The following GSTA1 variants were observed in gnomAD, a reference collection of about 807,000 sequenced individuals.
GSTA1 encodes the protein glutathione S-transferase A1.
GSTA1 carries 23 observed loss-of-function variants against 21.5 expected under a neutral mutation model. That is an observed-to-expected ratio of 1.07 (90% CI 0.77 to 1.52). The LOEUF (loss-of-function observed/expected upper bound fraction) is 1.52. GSTA1 is among the 40% of genes most tolerant of loss of function. GSTA1 has a pLI of 0.00. For synonymous variants in GSTA1, 125 were observed against 90.0 expected, an observed-to-expected ratio of 1.39 and a Z score of -2.20; for missense variants, 301 against 264.2, an observed-to-expected ratio of 1.14 and a Z score of -0.96.
At chr6:52,799,400 C>T (rs1054331875) in intron 1 of GSTA1, 103 bp from the exon 2 acceptor site, 8 of 734,282 alleles carry the variant, frequency 1.1e-5, no homozygotes, top group African/African-American at 1.8e-5. Context: ...GAAGAACCTT[C>T]CTTCTTCATG....
At chr6:52,794,516 G>T (rs1034567151) in intron 4 of GSTA1, among the ~76,000 whole-genome samples, 4 of 152,134 alleles carry the variant, frequency 2.6e-5, no homozygotes, top group Non-Finnish European at 4.4e-5. Flanking sequence ...GAACGTCGGT[G>T]GTCACAGTCA....
intron 4 of GSTA1, 94 bp downstream of exon 4, chr6:52,796,088 G>C (rs1406268634): frequency 6.3e-7 from 1 of 1,582,678 alleles, no homozygotes; most frequent in Non-Finnish European, 8.6e-7. Context: ...GCCTGCTGCT[G>C]GTCATGATGC....
chr6:52,793,056 G>A, intron 5 of GSTA1, 69 bp from the exon 6 acceptor site: 1 of 1,608,992 alleles, frequency 6.2e-7, no homozygotes, highest in Non-Finnish European at 8.5e-7. Context: ...TTCTTTCGGA[G>A]CCTCTCCACC....
intron 1 of GSTA1, among the ~76,000 whole-genome samples, chr6:52,800,753 A>G (rs996183343): frequency 2.6e-5 from 4 of 152,246 alleles, no homozygotes; most frequent in Admixed American, 2.6e-4. Flanking sequence ...GCCAAGACTT[A>G]GGAACAGTTG....
In GSTA1 at chr6:52,792,892, A is replaced by T. The variant is rs1763492008; in HGVS notation, c.510T>A (p.Leu170=). The part of the protein sequence containing the change: ...LVELLYYVEE[L]DSSLISSFPL... The stretch of plus-strand genomic sequence containing the variant: ...GGAAGCTGGAGATAAGACTGGAGTC[A>T]AGCTCCTCGACGTAGTAGAGAAGTT... Residue 170 remains leucine (L), a synonymous_variant, in exon 6 of 7, where the codon CTT becomes CTA. Transcript: ENST00000334575. 1 of 1,613,976 alleles carries T rather than the reference A, an allele frequency of 6.2e-7. No homozygotes were observed.
rs571043301 is a variant in GSTA1, at chr6:52,795,126, G to A, written c.273-860C>T. On this transcript the variant is annotated intron_variant, in intron 4 of 6. Coordinates refer to ENST00000334575, the MANE Select transcript of GSTA1 (RefSeq NM_145740.5). ...ATTAGCAGTATTCTTTTTTCTCCAA[G>A]CCCCACTCCTTTAGCTCCAGGCAAG... 4.1e-4 allele frequency among the ~76,000 whole-genome samples: 62 copies of A among 151,902 alleles called. 2 individuals are homozygous for A. The South Asian group carries it at 0.012, about 30-fold the overall frequency.
chr6:52,795,783 C>T (rs982031574), intron 4 of GSTA1, among the ~76,000 whole-genome samples: 9 of 152,112 alleles, frequency 5.9e-5, no homozygotes, highest in East Asian at 1.9e-4. Context: ...TTAGCTTTGG[C>T]GTCTTTGCAA....
intron 4 of GSTA1, 83 bp from the exon 5 acceptor site, chr6:52,794,349 T>A: frequency 2.1e-6 from 3 of 1,407,420 alleles, no homozygotes; most frequent in Non-Finnish European, 2.9e-6. Context: ...GAGTAGAGTA[T>A]CAGGTGATGG....
intron 4 of GSTA1, 115 bp from the exon 5 acceptor site, chr6:52,794,381 G>T: frequency 5.0e-6 from 5 of 996,530 alleles, no homozygotes; most frequent in South Asian, 1.7e-5. Flanking sequence ...ACCTCCAGTG[G>T]GTGCCTTTTA....
At chr6:52,799,071 T>C in intron 2 of GSTA1, 110 bp downstream of exon 2, 1 of 1,038,946 alleles carries the variant, frequency 9.6e-7, no homozygotes, top group Admixed American at 2.1e-5. Context: ...ACAGTCCATT[T>C]TTATTTAAGG....
chr6:52,796,161 A>G (rs747831493), intron 4 of GSTA1, 21 bp downstream of exon 4: 2 of 1,612,136 alleles, frequency 1.2e-6, no homozygotes, highest in Non-Finnish European at 1.7e-6. Flanking sequence ...TGTGGATGGA[A>G]GAACAGAAAA....
In GSTA1 at chr6:52,791,567, A is replaced by T. The variant is rs1271011910; in HGVS notation, c.*291T>A. On this transcript the variant is annotated 3_prime_UTR_variant, in exon 7 of 7. Coordinates refer to ENST00000334575, the MANE Select transcript of GSTA1 (RefSeq NM_145740.5). ...TGTATGTTACGGGACAATTCTTGGA[A>T]AAGTCAAACAAACCACATAATCTAT... The T allele has an allele frequency of 6.2e-6, 2 of 320,620 alleles. No homozygotes were observed. The highest frequency in any genetic ancestry group is 4.3e-5 in the African/African-American group (2 of 46,134). The allele number at this position is 320,620 out of a possible 1,614,324, so 19.9% of individuals were successfully genotyped here.
chr6:52,800,512 G>A (rs963328350), intron 1 of GSTA1, among the ~76,000 whole-genome samples: 65 of 152,192 alleles, frequency 4.3e-4, no homozygotes, highest in African/African-American at 1.5e-3. Flanking sequence ...TTGTGTGTAC[G>A]GATGTTTGCA....
At chr6:52,794,067 C>T in intron 5 of GSTA1, 58 bp downstream of exon 5, 1 of 1,606,312 alleles carries the variant, frequency 6.2e-7, no homozygotes, top group East Asian at 2.2e-5. Context: ...TGCCCAGCCA[C>T]TATTTTTCTA....
chr6:52,796,599 A>T (rs1763596933), intron 3 of GSTA1, among the ~76,000 whole-genome samples: 1 of 134,576 alleles, frequency 7.4e-6, no homozygotes, highest in South Asian at 2.6e-4. Context: ...GCTGGAGTGG[A>T]GTGGCATGAT....
chr6:52,796,400 A>G, intron 3 of GSTA1, 86 bp from the exon 4 acceptor site: 1 of 1,566,956 alleles, frequency 6.4e-7, no homozygotes, highest in Non-Finnish European at 8.7e-7. Flanking sequence ...AAATGACTAA[A>G]TTTGTAAAAT....
intron 6 of GSTA1, 60 bp downstream of exon 6, chr6:52,792,796 G>A: frequency 6.2e-7 from 1 of 1,612,608 alleles, no homozygotes; most frequent in Non-Finnish European, 8.5e-7. Flanking sequence ...GCAGGGCCCA[G>A]ATACAAGATC....
At chr6:52,800,297 T>C (rs1296651977) in intron 1 of GSTA1, among the ~76,000 whole-genome samples, 1 of 152,234 alleles carries the variant, frequency 6.6e-6, no homozygotes, top group Non-Finnish European at 1.5e-5. Context: ...TGGATCGGGA[T>C]GCAGACTCAC....
chr6:52,792,013 G>C, intron 6 of GSTA1, 33 bp from the exon 7 acceptor site: 1 of 1,612,632 alleles, frequency 6.2e-7, no homozygotes, highest in African/African-American at 1.3e-5. Flanking sequence ...TCAGAGTGAA[G>C]CCAAGGGCTG....
Sources: allele counts gnomAD v4.1 joint callset (sites outside exome capture counted in the v4.1 genomes callset), GRCh38; gene constraint gnomAD v4.1.1; transcripts MANE v1.5; gene names NCBI Gene and HGNC (gene_info 2026-07-23, HGNC 2026-07-21).